Variants in KCNK12 observed in about 807,000 individuals in gnomAD.
KCNK12 encodes the protein potassium two pore domain channel subfamily K member 12.
KCNK12 carries 6 observed loss-of-function variants against 25.3 expected under a neutral mutation model. The ratio of observed to expected loss-of-function variants is 0.24; its 90% confidence interval spans 0.13 to 0.47. KCNK12 has a LOEUF of 0.47. KCNK12 is among the 20% of genes least tolerant of loss of function. The pLI, the probability that KCNK12 is intolerant of heterozygous loss-of-function variation, is 0.99. For missense variants in KCNK12, 444 were observed against 661.7 expected (o/e 0.67, Z 3.61); for synonymous variants, 331 against 311.1 (o/e 1.06, Z -0.67).
In KCNK12 at chr2:47,515,676, A is replaced by G. The variant is rs1159535939; in HGVS notation, c.*5231T>C. Among the ~76,000 whole-genome samples the G allele has an allele frequency of 2.0e-5, 3 of 152,184 alleles. No homozygotes were observed. Among genetic ancestry groups the G allele is most frequent in the Non-Finnish European group, 4.4e-5 (3 of 68,022 alleles). ...CGTATAGACAGAGGTGGGTGGGGCC[A>G]GTGTGAGCCTGATGGTCAATTACTT... On this transcript the variant is annotated 3_prime_UTR_variant, in exon 2 of 2. Transcript: ENST00000327876.
In KCNK12 at chr2:47,560,033, C is replaced by G. The variant is rs1558565127; in HGVS notation, c.391+9908G>C. 6.6e-6 allele frequency among the ~76,000 whole-genome samples: 1 copy of G among 152,226 alleles called. No homozygotes were observed. Among genetic ancestry groups the G allele is most frequent in the African/African-American group, 2.4e-5 (1 of 41,452 alleles). ...GGTCTAGGCAGGGTCTGTTTCAGGA[C>G]ATGACCTTAGGCAGAGTCTCCCTCA... On this transcript the variant is annotated intron_variant, in intron 1 of 1. Coordinates refer to ENST00000327876, the MANE Select transcript of KCNK12 (RefSeq NM_022055.2). This position sits in a 1 kb window ranked among gnomAD's most constrained non-coding sequence, Gnocchi z 4.7.
chr2:47,521,134 C>G lies in KCNK12; in HGVS notation c.1066G>C (p.Asp356His). The part of the protein sequence containing the change: ...AALGADPAAR[D>H]SDAEGRRLSG... ...AGGCGGCGGCCCTCGGCGTCGCTGT[C>G]GCGGGCCGCGGGGTCGGCACCGAGC... is the stretch of plus-strand genomic sequence containing the variant. The change falls in exon 2 of 2, where the codon GAC becomes CAC. Residue 356 changes from aspartate (D) to histidine (H), a missense_variant. Coordinates refer to ENST00000327876, the MANE Select transcript of KCNK12 (RefSeq NM_022055.2). The G allele has an allele frequency of 7.9e-7, 1 of 1,271,108 alleles. No individual in the cohort carries two copies. Among genetic ancestry groups the G allele is most frequent in the Non-Finnish European group, 9.9e-7 (1 of 1,009,642 alleles). 78.7% of individuals were successfully genotyped at this position (1,271,108 alleles called of 1,614,324 possible). A position where few individuals can be genotyped will look rare whatever the true frequency, so the allele number is the denominator to read the frequency against.
At chr2:47,541,625 A>G (rs1669201159) in intron 1 of KCNK12, among the ~76,000 whole-genome samples, 1 of 152,106 alleles carries the variant, frequency 6.6e-6, no homozygotes, top group South Asian at 2.1e-4. Context: ...AAGGCTTTTT[A>G]AAAAAGGGAA....
Position 47,525,529 on chromosome 2 carries a change from C to T in KCNK12, c.392-3721G>A, listed in dbSNP as rs969436751. Among the ~76,000 whole-genome samples, 5 of 152,194 alleles carry T rather than the reference C, an allele frequency of 3.3e-5. No individual in the cohort carries two copies. Among genetic ancestry groups the T allele is most frequent in the South Asian group, 2.1e-4 (1 of 4,822 alleles). On this transcript the variant is annotated intron_variant, in intron 1 of 1. Transcript: ENST00000327876. The surrounding 1 kb of genome is among the most constrained non-coding windows in gnomAD (Gnocchi z 4.1). ...GTGGGAGGCTGACTGGGGCAGCCCC[C>T]ACAGGCAGGGGAGGAAGAGGGCAGT... is the stretch of plus-strand genomic sequence containing the variant.
At chr2:47,521,940 G>A in intron 1 of KCNK12, 132 bp from the exon 2 acceptor site, 2 of 714,230 alleles carry the variant, frequency 2.8e-6, no homozygotes, top group Non-Finnish European at 4.4e-6. Context: ...CCACTCAGGT[G>A]GAGGAAGAAC....
At chr2:47,539,015 TA>T (rs1240643320) in intron 1 of KCNK12, among the ~76,000 whole-genome samples, 2 of 152,252 alleles carry the variant, frequency 1.3e-5, no homozygotes, top group African/African-American at 4.8e-5. Flanking sequence ...CATGCAATTT[TA>T]AAAGGAAATT....
In KCNK12 at chr2:47,509,457, T is replaced by G; in HGVS notation, c.*11450A>C. Among the ~76,000 whole-genome samples, 1 of 152,244 alleles carries G rather than the reference T, an allele frequency of 6.6e-6. No homozygotes were observed. The highest frequency in any genetic ancestry group is 1.9e-4 in the East Asian group (1 of 5,194). ...TAGCAGGAAACCACAGTCTCTGATG[T>G]CAGCTGGCTGCCAACACGTCAGTTG... On this transcript the variant is annotated 3_prime_UTR_variant, in exon 2 of 2. Coordinates refer to ENST00000327876, the MANE Select transcript of KCNK12 (RefSeq NM_022055.2).
Position 47,560,491 on chromosome 2 carries a change from C to T in KCNK12, c.391+9450G>A, listed in dbSNP as rs1376757036. On this transcript the variant is annotated intron_variant, in intron 1 of 1. Transcript: ENST00000327876. The surrounding 1 kb of genome is among the most constrained non-coding windows in gnomAD (Gnocchi z 4.7). ...CTCCACCCACACAACCCTGCAGACC[C>T]CAGGCTGGGCTATGGTTCTTCCCCC... Among the ~76,000 whole-genome samples the T allele has an allele frequency of 1.3e-5, 2 of 152,284 alleles. No homozygotes were observed. Among genetic ancestry groups the T allele is most frequent in the African/African-American group, 4.8e-5 (2 of 41,558 alleles).
In KCNK12 at chr2:47,512,760, T is replaced by G. The variant is rs1668435604; in HGVS notation, c.*8147A>C. On this transcript the variant is annotated 3_prime_UTR_variant, in exon 2 of 2. Coordinates refer to ENST00000327876, the MANE Select transcript of KCNK12 (RefSeq NM_022055.2). ...AAACAGGTTTACCACTGGGAGAGCC[T>G]GTTGGTTGGGGAGGGCAGGAAGAGG... 8.9e-6 allele frequency: 2 copies of G among 225,912 alleles called. No individual in the cohort carries two copies. The highest frequency in any genetic ancestry group is 1.7e-5 in the Non-Finnish European group (2 of 114,340). 14.0% of individuals were successfully genotyped at this position (225,912 alleles called of 1,614,324 possible). A position where few individuals can be genotyped will look rare whatever the true frequency, so the allele number is the denominator to read the frequency against.
At position 47,548,000 on chromosome 2, in the gene KCNK12, A is replaced by C. The variant is rs1429288859; in HGVS notation, c.391+21941T>G. On this transcript the variant is annotated intron_variant, in intron 1 of 1. Transcript: ENST00000327876. This position sits in a 1 kb window ranked among gnomAD's most constrained non-coding sequence, Gnocchi z 5.0. ...CCCCCTTGCCGTTCTCATGATAGTA[A>C]GTTCTCATGAGATCTGGTTGTTTAA... 1.3e-5 allele frequency among the ~76,000 whole-genome samples: 2 copies of C among 152,090 alleles called. No homozygotes were observed. The highest frequency in any genetic ancestry group is 4.8e-5 in the African/African-American group (2 of 41,398).
rs535529091 is a variant in KCNK12 at position 47,552,186 on chromosome 2, G to C, written c.391+17755C>G. On this transcript the variant is annotated intron_variant, in intron 1 of 1. Transcript: ENST00000327876. ...GTAGATGGAAGTGAAGGGGACTCTA[G>C]GGACAAAAATGCTATGAATTAAGGT... Among the ~76,000 whole-genome samples the C allele has an allele frequency of 1.2e-4, 19 of 152,324 alleles. No homozygotes were observed. In the South Asian group the frequency reaches 3.7e-3, roughly 30 times the overall value.
chr2:47,544,635 A>T (rs1669273960), intron 1 of KCNK12, among the ~76,000 whole-genome samples: 1 of 152,146 alleles, frequency 6.6e-6, no homozygotes, highest in South Asian at 2.1e-4. Context: ...AGCCTCCTAA[A>T]TGGCCCCCTG....
chr2:47,560,021 T>A lies in KCNK12; in HGVS notation c.391+9920A>T, dbSNP rs1669631383. Among the ~76,000 whole-genome samples, 1 of 152,118 alleles carries A rather than the reference T, an allele frequency of 6.6e-6. No homozygotes were observed. Among genetic ancestry groups the A allele is most frequent in the Non-Finnish European group, 1.5e-5 (1 of 67,996 alleles). ...CGCTTGGTGCAAGGTCTAGGCAGGG[T>A]CTGTTTCAGGACATGACCTTAGGCA... On this transcript the variant is annotated intron_variant, in intron 1 of 1. Transcript: ENST00000327876. This position sits in a 1 kb window ranked among gnomAD's most constrained non-coding sequence, Gnocchi z 4.7.
At chr2:47,553,163 A>G (rs1245558589) in intron 1 of KCNK12, among the ~76,000 whole-genome samples, 1 of 152,244 alleles carries the variant, frequency 6.6e-6, no homozygotes, top group African/African-American at 2.4e-5. Flanking sequence ...TTGCAAGAGT[A>G]TATAGCTCTT....
In KCNK12 at chr2:47,511,652, G is replaced by A. The variant is rs143522931; in HGVS notation, c.*9255C>T. On this transcript the variant is annotated 3_prime_UTR_variant, in exon 2 of 2. Coordinates refer to ENST00000327876, the MANE Select transcript of KCNK12 (RefSeq NM_022055.2). The surrounding 1 kb of genome is among the most constrained non-coding windows in gnomAD (Gnocchi z 4.3). ...TGGGGGTCTTTCCATAGGGGATGAG[G>A]AAGACAAGGCCACTTGGAGGCAGAG... Among the ~76,000 whole-genome samples, 646 of 152,310 alleles carry A rather than the reference G, an allele frequency of 4.2e-3. 5 individuals carry two copies. Among genetic ancestry groups the A allele is most frequent in the Non-Finnish European group, 5.9e-3 (400 of 68,030 alleles).
intron 1 of KCNK12, among the ~76,000 whole-genome samples, chr2:47,531,642 T>C (rs970182531): frequency 2.0e-5 from 3 of 152,172 alleles, no homozygotes; most frequent in African/African-American, 7.2e-5. Flanking sequence ...CCAGTGACTC[T>C]GGCTGATGGA....
intron 1 of KCNK12, among the ~76,000 whole-genome samples, chr2:47,541,881 G>A (rs1669208042): frequency 6.6e-6 from 1 of 152,176 alleles, no homozygotes; most frequent in East Asian, 1.9e-4. Context: ...CCCAGTCCGT[G>A]GTACTTTGTT....
At chr2:47,541,272 G>C (rs972496317) in intron 1 of KCNK12, among the ~76,000 whole-genome samples, 1 of 152,180 alleles carries the variant, frequency 6.6e-6, no homozygotes, top group African/African-American at 2.4e-5. Context: ...GCTAGGACAC[G>C]GTCCTGCACT....
rs1179513801 is a variant in KCNK12, at chr2:47,570,204, G to A, written c.128C>T (p.Ala43Val). The A allele has an allele frequency of 1.3e-6, 2 of 1,498,622 alleles. No homozygotes were observed. Among genetic ancestry groups the A allele is most frequent in the Non-Finnish European group, 1.8e-6 (2 of 1,128,618 alleles). The allele number at this position is 1,498,622 out of a possible 1,614,324, so 92.8% of individuals were successfully genotyped here. ...CACCAGGTAGAGGCCGATGAGCGCC[G>A]CCAGCAGCACGAAGCGGCCGGTGTC... ...NEDTGRFVLL[A>V]ALIGLYLVAG... is the part of the protein sequence containing the mutation. The change falls in exon 1 of 2, where the codon GCG (alanine) becomes GTG (valine). Residue 43 changes from alanine to valine, a missense_variant. Ala to Val is a moderately conservative substitution (Grantham distance 64). Transcript: ENST00000327876.
Sources: gnomAD v4.1 joint callset for allele counts (sites outside exome capture counted in the v4.1 genomes callset) on GRCh38, gnomAD v4.1.1 for gene constraint, Gnocchi (gnomAD v3.1) non-coding constraint, MANE v1.5 for transcripts, NCBI Gene and HGNC (gene_info 2026-07-23, HGNC 2026-07-21) for gene names.